APBB2: variants seen among roughly 807,000 people sequenced by gnomAD.
APBB2 encodes the protein amyloid beta precursor protein binding family B member 2, also known as Fe65-like 1.
APBB2 carries 38 observed loss-of-function variants against 82.5 expected under a neutral mutation model. The ratio of observed to expected loss-of-function variants is 0.46; its 90% CI spans 0.36 to 0.60. APBB2 has a LOEUF of 0.60. Among genes scored for constraint, APBB2 ranks in the 20% least tolerant of loss-of-function variants. The probability of loss-of-function intolerance (pLI) is 0.00; values close to 1 mark genes in which losing one functional copy is unlikely to be tolerated. For missense variants in APBB2, 772 were observed against 972.3 expected (o/e 0.79, Z 2.74); for synonymous variants, 341 against 368.2 (o/e 0.93, Z 0.85).
chr4:41,008,289 G>A (rs537464726), intron 6 of APBB2, among the ~76,000 whole-genome samples: 4 of 152,258 alleles, frequency 2.6e-5, no homozygotes, highest in Admixed American at 6.5e-5. Flanking sequence ...CCAGTAACTC[G>A]GGTTATTCAG....
chr4:41,161,841 C>A (rs1298003451), intron 1 of APBB2, among the ~76,000 whole-genome samples: 5 of 152,130 alleles, frequency 3.3e-5, no homozygotes, highest in Non-Finnish European at 7.3e-5. Flanking sequence ...TGTCTCCTAT[C>A]CCTTATTTTT....
intron 1 of APBB2, among the ~76,000 whole-genome samples, chr4:41,197,858 T>G: frequency 6.6e-6 from 1 of 152,036 alleles, no homozygotes; most frequent in Admixed American, 6.6e-5. Flanking sequence ...GGAAAAGAGC[T>G]CCATCTGATT....
intron 12 of APBB2, among the ~76,000 whole-genome samples, chr4:40,842,979 C>T (rs564390357): frequency 8.5e-5 from 13 of 152,148 alleles, no homozygotes; most frequent in African/African-American, 1.9e-4. Context: ...AGGAATGGAA[C>T]GGAGAGAGGA....
Position 40,945,076 on chromosome 4 carries a change from G to C in APBB2, c.836-3C>G. On this transcript the variant is annotated splice_region_variant and splice_polypyrimidine_tract_variant and intron_variant, in intron 6 of 17. Transcript: ENST00000508593. ...TGAGTGATCACTCCATATATCTGCT[G>C]AAAAATTGGGGGGCGGGGCGGGGGG... The C allele has an allele frequency of 3.9e-5, 25 of 649,302 alleles. No homozygotes were observed. The highest frequency in any genetic ancestry group is 5.3e-5 in the Non-Finnish European group (22 of 417,130). The allele number at this position is 649,302 out of a possible 1,614,324, so 40.2% of individuals were successfully genotyped here.
chr4:40,854,892 G>A (rs923140431), intron 12 of APBB2, among the ~76,000 whole-genome samples: 13 of 151,988 alleles, frequency 8.6e-5, no homozygotes, highest in Admixed American at 7.2e-4. Flanking sequence ...CTGCATGACT[G>A]ATAGTTTTGT....
chr4:41,115,630 A>G (rs1750721406), intron 2 of APBB2, among the ~76,000 whole-genome samples: 1 of 151,718 alleles, frequency 6.6e-6, no homozygotes, highest in Non-Finnish European at 1.5e-5. Flanking sequence ...TTTCCAAAAA[A>G]AGACCCATCA....
chr4:41,021,071 C>T (rs1186923334), intron 5 of APBB2, among the ~76,000 whole-genome samples: 1 of 152,188 alleles, frequency 6.6e-6, no homozygotes, highest in African/African-American at 2.4e-5. Flanking sequence ...CCTTCGGGCC[C>T]TGTATTTTTA....
At chr4:41,210,287 T>A (rs538343533) in intron 1 of APBB2, among the ~76,000 whole-genome samples, 1 of 152,168 alleles carries the variant, frequency 6.6e-6, no homozygotes. Flanking sequence ...AAGGACCCGA[T>A]AGACAACCAG....
chr4:41,036,546 C>T (rs1000956453), intron 4 of APBB2, among the ~76,000 whole-genome samples: 2 of 152,174 alleles, frequency 1.3e-5, no homozygotes, highest in African/African-American at 4.8e-5. Context: ...GTGGAACTTA[C>T]AGCCTAGTTG....
intron 12 of APBB2, among the ~76,000 whole-genome samples, chr4:40,846,511 G>C (rs2154319277): frequency 6.6e-6 from 1 of 152,168 alleles, no homozygotes; most frequent in South Asian, 2.1e-4. Context: ...TTTACCATCT[G>C]ATTTCTGGCT....
At chr4:41,027,351 A>G (rs1457608996) in intron 5 of APBB2, among the ~76,000 whole-genome samples, 1 of 141,164 alleles carries the variant, frequency 7.1e-6, no homozygotes. Context: ...ATATTTTTAT[A>G]AACATATTGT....
At position 41,121,893 on chromosome 4, in the gene APBB2, T is replaced by TTG. The variant is rs375623687; in HGVS notation, c.-261+21092_-261+21093dup. 1.9e-3 allele frequency among the ~76,000 whole-genome samples: 284 copies of TTG among 150,392 alleles called. 7 individuals are homozygous for TTG. In the East Asian group the frequency reaches 0.041, roughly 22 times the overall value. On this transcript the variant is annotated intron_variant, in intron 2 of 17. Coordinates refer to ENST00000508593, the MANE Select transcript of APBB2 (RefSeq NM_004307.2). Reference sequence around the variant, plus strand: ...TTTAATATATGGCTTCCTTTTTTGGTTGTGTGTGTGTGTGTGTATGTGTGT... The same window carrying TTG: ...TTTAATATATGGCTTCCTTTTTTGGTTGTGTGTGTGTGTGTGTGTATGTGTGT...
At chr4:41,174,528 G>A (rs1024187498) in intron 1 of APBB2, among the ~76,000 whole-genome samples, 1 of 151,872 alleles carries the variant, frequency 6.6e-6, no homozygotes, top group Non-Finnish European at 1.5e-5. Flanking sequence ...GTGTGGTCTA[G>A]GTGGGTGCTA....
At chr4:41,034,223 C>A (rs1168967491) in intron 4 of APBB2, among the ~76,000 whole-genome samples, 1 of 143,712 alleles carries the variant, frequency 7.0e-6, no homozygotes, top group African/African-American at 2.4e-5. Context: ...TTCTTCAGTG[C>A]ACAGCTGGTT....
chr4:40,993,385 T>TTA (rs1553900329), intron 6 of APBB2, among the ~76,000 whole-genome samples: 8 of 147,998 alleles, frequency 5.4e-5, no homozygotes, highest in African/African-American at 1.8e-4. Flanking sequence ...TTTTTTTTTT[T>TTA]AACAAAAATG....
chr4:41,019,040 G>A (rs1810764431), intron 5 of APBB2, among the ~76,000 whole-genome samples: 1 of 152,218 alleles, frequency 6.6e-6, no homozygotes, highest in East Asian at 1.9e-4. Context: ...GAGGATTGAA[G>A]AGTCTGGTGA....
intron 6 of APBB2, among the ~76,000 whole-genome samples, chr4:41,000,194 T>C (rs573002562): frequency 6.4e-4 from 97 of 151,440 alleles, no homozygotes; most frequent in Non-Finnish European, 1.0e-3. Flanking sequence ...CCAGGGAGGC[T>C]GAGGCTGCAG....
intron 6 of APBB2, among the ~76,000 whole-genome samples, chr4:40,946,502 A>G (rs536727349): frequency 2.7e-4 from 41 of 152,266 alleles, no homozygotes; most frequent in South Asian, 1.9e-3. Context: ...GCCTTTCTAC[A>G]TATCTTATCA....
intron 1 of APBB2, among the ~76,000 whole-genome samples, chr4:41,166,189 C>CT (rs1766543658): frequency 6.6e-6 from 1 of 151,936 alleles, no homozygotes; most frequent in African/African-American, 2.4e-5. Flanking sequence ...CTTTCTGCTC[C>CT]AAAAGGGAAG....
Sources: gnomAD v4.1 joint callset for allele counts (sites outside exome capture counted in the v4.1 genomes callset) on GRCh38, gnomAD v4.1.1 for gene constraint, MANE v1.5 for transcripts, NCBI Gene and HGNC (gene_info 2026-07-23, HGNC 2026-07-21) for gene names.